NUP160: variants seen among roughly 807,000 people sequenced by gnomAD.
NUP160 encodes the protein nuclear pore complex protein Nup160.
In NUP160, 94 loss-of-function variants were observed where a neutral mutation model predicts 196.9. That is an observed-to-expected ratio of 0.48 (90% CI 0.40 to 0.57). The LOEUF is 0.57. Ranked by LOEUF, NUP160 falls within the 20% of genes least tolerant of loss-of-function variation. NUP160 has a pLI of 0.00. For missense variants in NUP160, 1,638 were observed against 1,748.3 expected, an observed-to-expected ratio of 0.94 and a Z score of 1.13; for synonymous variants, 605 against 619.7, an observed-to-expected ratio of 0.98 and a Z score of 0.35.
intron 29 of NUP160, among the ~76,000 whole-genome samples, chr11:47,791,001 T>C (rs1301320054): frequency 2.6e-5 from 4 of 152,208 alleles, no homozygotes; most frequent in Non-Finnish European, 4.4e-5. Flanking sequence ...GTTTTGCAAA[T>C]CATGTTAGAG....
At chr11:47,782,962 A>C in intron 34 of NUP160, 111 bp downstream of exon 34, 2 of 928,004 alleles carry the variant, frequency 2.2e-6, no homozygotes, top group Non-Finnish European at 3.3e-6. Flanking sequence ...CCCGGCCATC[A>C]GTATTTTAAA....
chr11:47,832,161 A>C (rs1206991362), intron 7 of NUP160, among the ~76,000 whole-genome samples: 1 of 151,966 alleles, frequency 6.6e-6, no homozygotes, highest in African/African-American at 2.4e-5. Flanking sequence ...CAGCCTCCCA[A>C]AGTGTTGGGA....
intron 34 of NUP160, among the ~76,000 whole-genome samples, chr11:47,780,690 C>T (rs1179954073): frequency 3.9e-5 from 6 of 152,016 alleles, no homozygotes. Flanking sequence ...TGTGCACCAC[C>T]ATGCCTAGCT....
At chr11:47,837,083 A>G in intron 5 of NUP160, 82 bp from the exon 6 acceptor site, 1 of 740,432 alleles carries the variant, frequency 1.4e-6, no homozygotes. Context: ...AAATATAATA[A>G]AATTATAAAT....
chr11:47,788,424 T>C, intron 30 of NUP160, 77 bp downstream of exon 30: 7 of 1,528,874 alleles, frequency 4.6e-6, no homozygotes, highest in South Asian at 2.3e-5. Context: ...CCATCTACCA[T>C]GCTACATACA....
chr11:47,845,905 G>A (rs182895408), intron 2 of NUP160, among the ~76,000 whole-genome samples: 15 of 152,236 alleles, frequency 9.9e-5, no homozygotes, highest in Admixed American at 7.2e-4. Flanking sequence ...GGCCGAGAAC[G>A]GGGCACTGCT....
intron 19 of NUP160, 50 bp downstream of exon 19, chr11:47,807,020 G>T: frequency 1.5e-6 from 2 of 1,316,920 alleles, no homozygotes; most frequent in Non-Finnish European, 2.2e-6. Flanking sequence ...TAATGAATAT[G>T]CAATAAATCC....
At chr11:47,831,801 C>T (rs1212578870) in intron 7 of NUP160, among the ~76,000 whole-genome samples, 1 of 135,000 alleles carries the variant, frequency 7.4e-6, no homozygotes, top group East Asian at 2.5e-4. Flanking sequence ...TGAGATCGCG[C>T]CACTGTATTC....
At chr11:47,788,232 A>G in exon 31 of NUP160, 2 of 1,613,990 alleles carry the variant, frequency 1.2e-6, no homozygotes, top group Non-Finnish European at 1.7e-6. Flanking sequence ...TAAAAGTCTG[A>G]CAGAGTGATA....
chr11:47,801,241 T>G (rs1161004688), intron 23 of NUP160, among the ~76,000 whole-genome samples: 1 of 152,192 alleles, frequency 6.6e-6, no homozygotes, highest in Non-Finnish European at 1.5e-5. Context: ...GCTAATAAAA[T>G]ACCATGACGA....
intron 1 of NUP160, 83 bp downstream of exon 1, chr11:47,848,136 A>C (rs1228852661): frequency 6.7e-7 from 1 of 1,503,298 alleles, no homozygotes; most frequent in Non-Finnish European, 9.3e-7. Flanking sequence ...AGGAGGATGA[A>C]ACAGGGCGTC....
intron 7 of NUP160, among the ~76,000 whole-genome samples, chr11:47,827,978 T>C (rs1852004595): frequency 6.6e-6 from 1 of 152,190 alleles, no homozygotes; most frequent in Non-Finnish European, 1.5e-5. Flanking sequence ...CAAGTGATCC[T>C]GCCATCTCAG....
intron 27 of NUP160, among the ~76,000 whole-genome samples, chr11:47,795,728 C>T (rs1454114954): frequency 6.6e-6 from 1 of 152,114 alleles, no homozygotes; most frequent in Non-Finnish European, 1.5e-5. Context: ...GACCTACATG[C>T]TTCAAAAATA....
At chr11:47,840,647 TGAA>T (rs1852277546) in intron 2 of NUP160, 59 bp from the exon 3 acceptor site, 2 of 1,332,308 alleles carry the variant, frequency 1.5e-6, no homozygotes, top group South Asian at 2.8e-5. Context: ...ACTGTTCTAC[TGAA>T]ATATATGAGA....
intron 4 of NUP160, 27 bp from the exon 5 acceptor site, chr11:47,837,650 G>A (rs1358656757): frequency 1.3e-6 from 2 of 1,583,424 alleles, no homozygotes; most frequent in East Asian, 4.5e-5. Context: ...GGCACCTCTT[G>A]AACACACTTA....
intron 17 of NUP160, 140 bp downstream of exon 17, chr11:47,811,924 A>G: frequency 1.5e-6 from 1 of 678,092 alleles, no homozygotes; most frequent in Non-Finnish European, 2.5e-6. Flanking sequence ...AGAGCATCTC[A>G]TAAGGCCAAG....
chr11:47,797,924 AATC>A lies in NUP160; in HGVS notation c.3184-43_3184-41del, dbSNP rs540597790. 2.1e-3 allele frequency: 3,350 copies of A among 1,564,932 alleles called. 6 individuals carry two copies. Among genetic ancestry groups the A allele is most frequent in the Middle Eastern group, 8.5e-3 (51 of 5,992 alleles). On this transcript the variant is annotated intron_variant, in intron 26 of 35. Transcript: ENST00000378460. ...GCAATCAGATAACTAAGTCAGTAGCAATCATGGCAACCACCATACTTGTTGAAA... is the reference window on the plus strand; with the variant it reads ...GCAATCAGATAACTAAGTCAGTAGCAATGGCAACCACCATACTTGTTGAAA...
chr11:47,831,668 C>G (rs1852075340), intron 7 of NUP160, among the ~76,000 whole-genome samples: 1 of 151,566 alleles, frequency 6.6e-6, no homozygotes, highest in African/African-American at 2.4e-5. Context: ...GGCAAAACCC[C>G]ACCTCTACTA....
intron 32 of NUP160, among the ~76,000 whole-genome samples, chr11:47,785,790 TG>T (rs2135343408): frequency 6.6e-6 from 1 of 152,364 alleles, no homozygotes; most frequent in East Asian, 1.9e-4. Context: ...TAAGTTATTC[TG>T]ATGTGCTAAT....
Sources: allele counts gnomAD v4.1 joint callset (sites outside exome capture counted in the v4.1 genomes callset), GRCh38; gene constraint gnomAD v4.1.1; transcripts MANE v1.5; gene names NCBI Gene and HGNC (gene_info 2026-07-23, HGNC 2026-07-21).